The following CTNNA3 variants were observed in gnomAD, a reference collection of about 807,000 sequenced individuals.
CTNNA3 encodes catenin alpha-3.
CTNNA3 carries 76 observed loss-of-function variants against 95.7 expected under a neutral mutation model. The observed-to-expected ratio is 0.79, with a 90% CI of 0.66 to 0.96. The LOEUF (loss-of-function observed/expected upper bound fraction) is 0.96, where lower values mean the gene tolerates loss of function less well. CTNNA3 is among the 40% of genes least tolerant of loss of function. CTNNA3 has a pLI of 0.00. For missense variants in CTNNA3, 1,191 were observed against 1,089.8 expected (o/e 1.09, Z -1.31); for synonymous variants, 431 against 374.4 (o/e 1.15, Z -1.74).
At chr10:67,375,451 C>G (rs1229575629) in intron 5 of CTNNA3, among the ~76,000 whole-genome samples, 1 of 151,886 alleles carries the variant, frequency 6.6e-6, no homozygotes, top group Admixed American at 6.6e-5. Flanking sequence ...GCTAAAAATA[C>G]AAAAAAATTA....
intron 7 of CTNNA3, among the ~76,000 whole-genome samples, chr10:67,128,648 A>G (rs955106600): frequency 6.6e-6 from 1 of 152,152 alleles, no homozygotes; most frequent in Non-Finnish European, 1.5e-5. Flanking sequence ...TTTCTTCCTC[A>G]GTATTACTTT....
At chr10:67,272,370 C>T (rs578129234) in intron 5 of CTNNA3, among the ~76,000 whole-genome samples, 2 of 151,842 alleles carry the variant, frequency 1.3e-5, no homozygotes, top group Admixed American at 6.6e-5. Context: ...TGGGCAATAT[C>T]GAGAAACCTT....
chr10:67,133,306 GATAT>G (rs56800232), intron 7 of CTNNA3, among the ~76,000 whole-genome samples: 8 of 97,716 alleles, frequency 8.2e-5, no homozygotes, highest in African/African-American at 1.1e-4. Context: ...CATATTGCCT[GATAT>G]ATATATATAT....
chr10:67,727,946 ATAG>A (rs1841250321), intron 1 of CTNNA3, among the ~76,000 whole-genome samples: 1 of 136,180 alleles, frequency 7.3e-6, no homozygotes, highest in Non-Finnish European at 1.5e-5. Flanking sequence ...TATGTAGAAT[ATAG>A]TATGTATAAT....
chr10:67,001,760 C>T (rs1389528707), intron 7 of CTNNA3, among the ~76,000 whole-genome samples: 1 of 152,132 alleles, frequency 6.6e-6, no homozygotes, highest in Admixed American at 6.6e-5. Flanking sequence ...AAGGCACACT[C>T]ACACTATCTC....
chr10:66,178,537 T>C (rs950903334), intron 13 of CTNNA3, among the ~76,000 whole-genome samples: 27 of 149,424 alleles, frequency 1.8e-4, no homozygotes, highest in African/African-American at 6.1e-4. Flanking sequence ...AGCAGAAATA[T>C]ATACCATAAA....
chr10:66,283,549 C>T (rs7899732), intron 12 of CTNNA3, among the ~76,000 whole-genome samples: 22,992 of 151,750 alleles, frequency 0.15, 1,880 homozygotes, highest in East Asian at 0.28. Flanking sequence ...TACAACACAG[C>T]CTTTTCATTA....
At chr10:67,449,243 A>C (rs900535365) in intron 5 of CTNNA3, among the ~76,000 whole-genome samples, 4 of 152,240 alleles carry the variant, frequency 2.6e-5, no homozygotes, top group Non-Finnish European at 4.4e-5. Context: ...TGTCATTAAA[A>C]TGGGCCAATC....
At chr10:66,461,418 A>C (rs1225699642) in intron 11 of CTNNA3, among the ~76,000 whole-genome samples, 1 of 152,112 alleles carries the variant, frequency 6.6e-6, no homozygotes, top group Non-Finnish European at 1.5e-5. Flanking sequence ...ATTGCATAAT[A>C]AAAAGAAGTA....
chr10:66,395,114 A>T (rs2132541481), intron 11 of CTNNA3, among the ~76,000 whole-genome samples: 1 of 152,162 alleles, frequency 6.6e-6, no homozygotes, highest in East Asian at 1.9e-4. Context: ...AGGCTAACAA[A>T]AGAGAAGAAG....
intron 7 of CTNNA3, among the ~76,000 whole-genome samples, chr10:67,069,557 G>GCCCCACCCCA (rs549930721): frequency 7.9e-4 from 76 of 96,360 alleles, no homozygotes; most frequent in Admixed American, 1.9e-3. Context: ...ACAGCAGCCC[G>GCCCCACCCCA]CCCCACCCCA....
intron 1 of CTNNA3, among the ~76,000 whole-genome samples, chr10:67,731,930 T>TTTTCTG (rs1554879898): frequency 2.0e-5 from 3 of 150,874 alleles, no homozygotes; most frequent in Non-Finnish European, 2.9e-5. Flanking sequence ...CCGGCTAATT[T>TTTTCTG]TTTTTGTTTT....
At chr10:67,481,961 C>A (rs556584454) in intron 5 of CTNNA3, among the ~76,000 whole-genome samples, 3,268 of 151,042 alleles carry the variant, frequency 0.022, 134 homozygotes, top group African/African-American at 0.075. Flanking sequence ...TCAGCTTTCT[C>A]CATATGGCTA....
intron 7 of CTNNA3, among the ~76,000 whole-genome samples, chr10:66,805,736 G>T (rs1396865307): frequency 1.3e-5 from 2 of 151,940 alleles, no homozygotes; most frequent in Non-Finnish European, 2.9e-5. Context: ...TAAAGAGTTG[G>T]TTCCTTTAAA....
At chr10:66,602,104 G>A (rs1843948271) in intron 10 of CTNNA3, among the ~76,000 whole-genome samples, 1 of 151,860 alleles carries the variant, frequency 6.6e-6, no homozygotes, top group South Asian at 2.1e-4. Context: ...GCTTAGATTT[G>A]TATAAGGTCT....
intron 1 of CTNNA3, among the ~76,000 whole-genome samples, chr10:67,668,618 C>T (rs947970985): frequency 6.6e-6 from 1 of 152,082 alleles, no homozygotes; most frequent in Non-Finnish European, 1.5e-5. Flanking sequence ...GCAGCATATA[C>T]AGCAGGACAT....
chr10:66,010,614 C>T (rs2078987846), intron 15 of CTNNA3, among the ~76,000 whole-genome samples: 1 of 152,170 alleles, frequency 6.6e-6, no homozygotes, highest in African/African-American at 2.4e-5. Flanking sequence ...TGAGTTTGGG[C>T]ATCTTTTATA....
At chr10:66,033,727 T>C (rs2079497959) in intron 15 of CTNNA3, among the ~76,000 whole-genome samples, 1 of 152,168 alleles carries the variant, frequency 6.6e-6, no homozygotes, top group Admixed American at 6.5e-5. Context: ...GGCTTCTAAT[T>C]CTGACTGATT....
intron 13 of CTNNA3, among the ~76,000 whole-genome samples, chr10:66,204,805 C>A (rs1027087102): frequency 3.3e-5 from 5 of 152,156 alleles, no homozygotes; most frequent in African/African-American, 1.2e-4. Flanking sequence ...TTACTAATGT[C>A]TATTCAAGTG....
Sources: allele counts gnomAD v4.1 joint callset (sites outside exome capture counted in the v4.1 genomes callset), GRCh38; gene constraint gnomAD v4.1.1; transcripts MANE v1.5; gene names NCBI Gene and HGNC (gene_info 2026-07-23, HGNC 2026-07-21).